Variants in TMEM232 observed in about 807,000 individuals in gnomAD.
TMEM232 encodes transmembrane protein 232.
A neutral mutation model predicts 78.8 loss-of-function variants in TMEM232; 80 were observed. The ratio of observed to expected loss-of-function variants is 1.01; its 90% CI spans 0.85 to 1.22. TMEM232 has a LOEUF of 1.22. Among genes scored for constraint, TMEM232 ranks in the 50% most tolerant of loss-of-function variants. The probability of loss-of-function intolerance (pLI) is 0.00; values close to 1 mark genes in which losing one functional copy is unlikely to be tolerated. For synonymous variants in TMEM232, 297 were observed against 254.3 expected, an observed-to-expected ratio of 1.17 and a Z score of -1.60; for missense variants, 881 against 742.2, an observed-to-expected ratio of 1.19 and a Z score of -2.17.
At chr5:110,708,152 A>G (rs1428317758) in intron 1 of TMEM232, among the ~76,000 whole-genome samples, 2 of 152,196 alleles carry the variant, frequency 1.3e-5, no homozygotes, top group African/African-American at 4.8e-5. Context: ...GGTAAAGGTG[A>G]CATTGTCTTG....
At chr5:110,526,329 C>T (rs1430317258) in intron 12 of TMEM232, among the ~76,000 whole-genome samples, 2 of 150,378 alleles carry the variant, frequency 1.3e-5, no homozygotes, top group African/African-American at 2.4e-5. Context: ...GACAGAGAGT[C>T]GCATAGATTA....
chr5:110,705,944 G>A (rs1474325020), intron 1 of TMEM232, among the ~76,000 whole-genome samples: 1 of 151,898 alleles, frequency 6.6e-6, no homozygotes. Context: ...CTTCTGTTGG[G>A]AAGGGAAAAG....
chr5:110,582,493 C>T (rs542386441), intron 10 of TMEM232, among the ~76,000 whole-genome samples: 2 of 151,982 alleles, frequency 1.3e-5, no homozygotes, highest in Admixed American at 6.6e-5. Flanking sequence ...CAATAATAGA[C>T]ACTGGGACTA....
At chr5:110,721,669 G>GTATATATATATATATATATATATA (rs749643657) in intron 1 of TMEM232, among the ~76,000 whole-genome samples, 1,567 of 23,584 alleles carry the variant, frequency 0.066, 58 homozygotes, top group Non-Finnish European at 0.14. Flanking sequence ...GTGTGTGTGT[G>GTATATATATATATATATATATATA]TGTGTATATA....
downstream of TMEM232, among the ~76,000 whole-genome samples, chr5:110,415,631 C>T (rs1225245277): frequency 6.6e-6 from 1 of 151,994 alleles, no homozygotes; most frequent in Non-Finnish European, 1.5e-5. Context: ...AGAAATTCTA[C>T]TGTATGTGTT....
chr5:110,415,422 C>T (rs1048172895), downstream of TMEM232, among the ~76,000 whole-genome samples: 17 of 151,808 alleles, frequency 1.1e-4, no homozygotes, highest in Admixed American at 2.0e-4. Flanking sequence ...TCTCCTGACC[C>T]GTGTTCCACC....
At chr5:110,707,304 C>T (rs1444382295) in intron 1 of TMEM232, among the ~76,000 whole-genome samples, 1 of 152,146 alleles carries the variant, frequency 6.6e-6, no homozygotes, top group African/African-American at 2.4e-5. Flanking sequence ...CATTCCCCAG[C>T]CGATGGCACC....
chr5:110,388,489 T>G (rs956150669), intron 4 of TMEM232, among the ~76,000 whole-genome samples: 2 of 152,198 alleles, frequency 1.3e-5, no homozygotes, highest in Non-Finnish European at 2.9e-5. Flanking sequence ...GAAAATGATT[T>G]GGGGGTTGCT....
intron 12 of TMEM232, among the ~76,000 whole-genome samples, chr5:110,510,781 A>C (rs1767630348): frequency 6.6e-6 from 1 of 152,202 alleles, no homozygotes; most frequent in East Asian, 1.9e-4. Flanking sequence ...GATCATTAAA[A>C]AGTCAGGAAA....
chr5:110,422,444 C>T (rs1007243106), intron 13 of TMEM232, among the ~76,000 whole-genome samples: 4 of 139,686 alleles, frequency 2.9e-5, no homozygotes, highest in African/African-American at 1.1e-4. Context: ...GGCATGAACC[C>T]GGGAGGCAGA....
At chr5:110,644,789 T>C (rs1017595097) in intron 2 of TMEM232, among the ~76,000 whole-genome samples, 1 of 150,546 alleles carries the variant, frequency 6.6e-6, no homozygotes, top group African/African-American at 2.4e-5. Context: ...AATAAAAAAC[T>C]AAAAATCATC....
intron 4 of TMEM232, among the ~76,000 whole-genome samples, chr5:110,389,219 C>G (rs1036283015): frequency 2.6e-5 from 4 of 152,094 alleles, no homozygotes; most frequent in African/African-American, 9.7e-5. Flanking sequence ...CGAGATCGCA[C>G]TACTGCACTT....
Position 110,521,494 on chromosome 5 carries a change from G to A in TMEM232, c.1703+7094C>T, listed in dbSNP as rs996671558. On this transcript the variant is annotated intron_variant, in intron 12 of 13. Coordinates refer to ENST00000455884, the MANE Select transcript of TMEM232 (RefSeq NM_001039763.4). ...TGTAGTCTAATTGTTTTTGTCACCC[G>A]GAGTTTTGGTGTCATATTCAAGAAA... Among the ~76,000 whole-genome samples, 8 of 152,000 alleles carry A rather than the reference G, an allele frequency of 5.3e-5. No individual in the cohort carries two copies. The South Asian group carries it at 6.2e-4, about 12-fold the overall frequency.
intron 12 of TMEM232, among the ~76,000 whole-genome samples, chr5:110,500,288 C>CAAAAAAAA (rs773716425): frequency 4.2e-5 from 3 of 70,600 alleles, no homozygotes; most frequent in Non-Finnish European, 6.1e-5. Flanking sequence ...GACTCTGTCT[C>CAAAAAAAA]AAAAAAAAAA....
At chr5:110,508,612 G>A (rs1469212845) in intron 12 of TMEM232, among the ~76,000 whole-genome samples, 1 of 150,404 alleles carries the variant, frequency 6.6e-6, no homozygotes, top group African/African-American at 2.4e-5. Context: ...CTGCTTAGAG[G>A]ATCTTTTGAG....
chr5:110,606,249 G>C lies in TMEM232; in HGVS notation c.941C>G (p.Ala314Gly). ...SVLALLVLGE[A>G]AKLNMACLKA... ...CAAGCAGGCCATGTTTAATTTGGCA[G>C]CCTCCCCAAGGACCAGTAAAGCCAG... is the stretch of plus-strand genomic sequence containing the variant. The change falls in exon 9 of 14, where the codon GCT (alanine) becomes GGT (glycine). Residue 314 changes from alanine (A) to glycine (G), a missense_variant. Ala to Gly is a moderately conservative substitution (Grantham distance 60, BLOSUM62 0). Coordinates refer to ENST00000455884, the MANE Select transcript of TMEM232 (RefSeq NM_001039763.4). 1.3e-6 allele frequency: 2 copies of C among 1,543,376 alleles called. No individual in the cohort carries two copies. Among genetic ancestry groups the C allele is most frequent in the Non-Finnish European group, 1.8e-6 (2 of 1,141,256 alleles).
In TMEM232 at chr5:110,527,089, T is replaced by C. The variant is rs1397138323; in HGVS notation, c.1703+1499A>G. On this transcript the variant is annotated intron_variant, in intron 12 of 13. Coordinates refer to ENST00000455884, the MANE Select transcript of TMEM232 (RefSeq NM_001039763.4). ...AAATTACTGATGTTATTACCGAGGATAGGGAGGGATGGGGGGTAAATCAGG... is the reference window on the plus strand; with the variant it reads ...AAATTACTGATGTTATTACCGAGGACAGGGAGGGATGGGGGGTAAATCAGG... Among the ~76,000 whole-genome samples the C allele has an allele frequency of 2.0e-5, 3 of 151,716 alleles. No individual in the cohort carries two copies. The East Asian group carries it at 5.8e-4, about 29-fold the overall frequency.
chr5:110,637,984 T>A (rs1786111515), intron 5 of TMEM232, among the ~76,000 whole-genome samples: 1 of 152,142 alleles, frequency 6.6e-6, no homozygotes, highest in Non-Finnish European at 1.5e-5. Context: ...TATTTTCTTA[T>A]ATAGTTTGTG....
At chr5:110,526,359 T>C (rs1198645834) in intron 12 of TMEM232, among the ~76,000 whole-genome samples, 3 of 151,100 alleles carry the variant, frequency 2.0e-5, no homozygotes, top group African/African-American at 7.3e-5. Context: ...TAGTCCCAGG[T>C]TTTTGTATAG....
Sources: gnomAD v4.1 joint callset for allele counts (sites outside exome capture counted in the v4.1 genomes callset) on GRCh38, gnomAD v4.1.1 for gene constraint, MANE v1.5 for transcripts, NCBI Gene and HGNC (gene_info 2026-07-23, HGNC 2026-07-21) for gene names.